The following AKAIN1 variants were observed in gnomAD, a reference collection of about 807,000 sequenced individuals.
AKAIN1 encodes A-kinase anchor protein inhibitor 1.
In AKAIN1, 3 loss-of-function variants were observed where a neutral mutation model predicts 3.7. That is an observed-to-expected ratio of 0.82 (90% CI 0.37 to 2.12). AKAIN1 has a LOEUF of 2.12. Among genes scored for constraint, AKAIN1 ranks in the 30% most tolerant of loss-of-function variants. AKAIN1 has a pLI of 0.06. For synonymous variants in AKAIN1, 31 were observed against 30.8 expected (o/e 1.01, Z -0.02); for missense variants, 82 against 82.7 (o/e 0.99, Z 0.03).
intron 1 of AKAIN1, among the ~76,000 whole-genome samples, chr18:5,192,435 TTCTTTC>T (rs1567881034): frequency 0.017 from 1,945 of 115,600 alleles, 27 homozygotes; most frequent in Middle Eastern, 0.019. Flanking sequence ...CTTTCTTTCT[TTCTTTC>T]TTTCTTTTTC....
intron 1 of AKAIN1, among the ~76,000 whole-genome samples, chr18:5,146,217 C>A (rs761448011): frequency 6.6e-6 from 1 of 152,216 alleles, no homozygotes; most frequent in East Asian, 1.9e-4. Flanking sequence ...AAGAACAGAC[C>A]GTTGCCCTTT....
chr18:5,192,177 A>T (rs2071322242), intron 1 of AKAIN1, among the ~76,000 whole-genome samples: 2 of 152,154 alleles, frequency 1.3e-5, no homozygotes, highest in Non-Finnish European at 2.9e-5. Flanking sequence ...GGACACACAT[A>T]TAGATTAATT....
At chr18:5,168,218 C>T (rs181852951) in intron 1 of AKAIN1, among the ~76,000 whole-genome samples, 6 of 152,082 alleles carry the variant, frequency 3.9e-5, no homozygotes, top group South Asian at 4.2e-4. Context: ...AGTAAAGAGA[C>T]GAGGCTAACT....
chr18:5,174,172 C>G (rs1163803519), intron 1 of AKAIN1, among the ~76,000 whole-genome samples: 1 of 152,082 alleles, frequency 6.6e-6, no homozygotes, highest in African/African-American at 2.4e-5. Flanking sequence ...ATGACCCAGG[C>G]TGGTGGGAAC....
intron 1 of AKAIN1, among the ~76,000 whole-genome samples, chr18:5,146,214 G>A (rs558655606): frequency 5.3e-5 from 8 of 152,274 alleles, no homozygotes; most frequent in South Asian, 4.1e-4. Flanking sequence ...GAAAAGAACA[G>A]ACCGTTGCCC....
chr18:5,158,628 G>T (rs970743867), intron 1 of AKAIN1, among the ~76,000 whole-genome samples: 3 of 152,164 alleles, frequency 2.0e-5, no homozygotes, highest in Non-Finnish European at 2.9e-5. Flanking sequence ...GCTCTTTTCA[G>T]TTGGGTCCAG....
At chr18:5,162,627 T>C (rs426277) in intron 1 of AKAIN1, among the ~76,000 whole-genome samples, 17 of 22,088 alleles carry the variant, frequency 7.7e-4, no homozygotes, top group African/African-American at 4.4e-3. Flanking sequence ...ATGTGATGCG[T>C]GTGTGTGTGT....
At position 5,144,255 on chromosome 18, in the gene AKAIN1, G is replaced by T. The variant is rs965396253; in HGVS notation, c.*1307C>A. 6.6e-6 allele frequency among the ~76,000 whole-genome samples: 1 copy of T among 152,050 alleles called. No individual in the cohort carries two copies. The highest frequency in any genetic ancestry group is 1.5e-5 in the Non-Finnish European group (1 of 68,020). Reference sequence around the variant, plus strand: ...ATTTTAGAAGTATATCTTAATATCAGTCACAATTTATACCCGAATACTTTG... The same window carrying T: ...ATTTTAGAAGTATATCTTAATATCATTCACAATTTATACCCGAATACTTTG... On this transcript the variant is annotated 3_prime_UTR_variant, in exon 2 of 2. Transcript: ENST00000434239.
chr18:5,164,357 A>G (rs2071156090), intron 1 of AKAIN1, among the ~76,000 whole-genome samples: 1 of 152,066 alleles, frequency 6.6e-6, no homozygotes, highest in Non-Finnish European at 1.5e-5. Flanking sequence ...GACTTGGGGT[A>G]AGGTTAACAT....
intron 1 of AKAIN1, among the ~76,000 whole-genome samples, chr18:5,167,989 A>C (rs1442644052): frequency 6.6e-6 from 1 of 152,118 alleles, no homozygotes; most frequent in East Asian, 1.9e-4. Flanking sequence ...TGCAAGTGGT[A>C]GAATGAGACA....
chr18:5,155,959 C>T (rs1356033424), intron 1 of AKAIN1, among the ~76,000 whole-genome samples: 1 of 152,114 alleles, frequency 6.6e-6, no homozygotes, highest in Non-Finnish European at 1.5e-5. Context: ...TTTTATCAAA[C>T]ATACTTAGAG....
intron 1 of AKAIN1, among the ~76,000 whole-genome samples, chr18:5,185,371 T>C (rs2071281164): frequency 6.6e-6 from 1 of 152,212 alleles, no homozygotes; most frequent in South Asian, 2.1e-4. Context: ...AAAGAGCTTT[T>C]GCGCAGCAAA....
chr18:5,173,141 A>T (rs1441137611), intron 1 of AKAIN1, among the ~76,000 whole-genome samples: 2 of 152,148 alleles, frequency 1.3e-5, no homozygotes, highest in Non-Finnish European at 1.5e-5. Flanking sequence ...TTCTCAGGAG[A>T]TAACTTGCTT....
chr18:5,161,978 GT>G (rs941270700), intron 1 of AKAIN1, among the ~76,000 whole-genome samples: 3 of 152,084 alleles, frequency 2.0e-5, no homozygotes, highest in African/African-American at 7.2e-5. Context: ...GCTCTTCAAG[GT>G]TTTTGGGAGA....
intron 1 of AKAIN1, among the ~76,000 whole-genome samples, chr18:5,188,022 A>T (rs896642741): frequency 6.6e-5 from 10 of 152,108 alleles, no homozygotes; most frequent in African/African-American, 2.4e-4. Flanking sequence ...ATAGGCCAGA[A>T]AAAAAGGGTT....
At chr18:5,175,705 C>T (rs2034637726) in intron 1 of AKAIN1, among the ~76,000 whole-genome samples, 1 of 152,104 alleles carries the variant, frequency 6.6e-6, no homozygotes, top group South Asian at 2.1e-4. Flanking sequence ...TGAAACTCAA[C>T]TTGTACAATT....
chr18:5,147,050 T>C (rs924187929), intron 1 of AKAIN1, among the ~76,000 whole-genome samples: 1 of 152,200 alleles, frequency 6.6e-6, no homozygotes, highest in African/African-American at 2.4e-5. Flanking sequence ...GTTCATTTAG[T>C]AAAAATTCTG....
At chr18:5,187,506 A>G (rs1271723656) in intron 1 of AKAIN1, among the ~76,000 whole-genome samples, 1 of 152,176 alleles carries the variant, frequency 6.6e-6, no homozygotes, top group African/African-American at 2.4e-5. Context: ...GGTGGAAGGC[A>G]GAAGCACATA....
Position 5,182,122 on chromosome 18 carries a change from T to C in AKAIN1, c.16+14916A>G, listed in dbSNP as rs139107787. The stretch of plus-strand genomic sequence containing the variant: ...GCAACTTTCCATGATTCATAACTTA[T>C]TCATCTCAGGATGCACTCAGACATC... On this transcript the variant is annotated intron_variant, in intron 1 of 1. Coordinates refer to ENST00000434239, the MANE Select transcript of AKAIN1 (RefSeq NM_001145194.2). 8.5e-5 allele frequency among the ~76,000 whole-genome samples: 13 copies of C among 152,270 alleles called. No homozygotes were observed. The South Asian group carries it at 2.5e-3, about 29-fold the overall frequency.
Sources: allele counts gnomAD v4.1 joint callset (sites outside exome capture counted in the v4.1 genomes callset), GRCh38; gene constraint gnomAD v4.1.1; transcripts MANE v1.5; gene names NCBI Gene and HGNC (gene_info 2026-07-23, HGNC 2026-07-21).